Variants in NRXN1 observed in about 807,000 individuals in gnomAD.
NRXN1 encodes the protein neurexin 1.
In NRXN1, 39 loss-of-function variants were observed where a neutral mutation model predicts 150.9. The observed-to-expected ratio is 0.26, with a 90% CI of 0.20 to 0.34. The LOEUF (loss-of-function observed/expected upper bound fraction) is 0.34, where lower values mean the gene tolerates loss of function less well. Among genes scored for constraint, NRXN1 ranks in the 10% least tolerant of loss-of-function variants. The probability of loss-of-function intolerance (pLI) is 1.00; values close to 1 mark genes in which losing one functional copy is unlikely to be tolerated. For synonymous variants in NRXN1, 924 were observed against 757.0 expected (o/e 1.22, Z -3.62); for missense variants, 1,815 against 1,949.9 (o/e 0.93, Z 1.30).
intron 18 of NRXN1, among the ~76,000 whole-genome samples, chr2:50,182,335 A>C (rs1035764559): frequency 6.6e-6 from 1 of 152,062 alleles, no homozygotes; most frequent in Non-Finnish European, 1.5e-5. Flanking sequence ...AAAATGTATC[A>C]TTTAATGGAA....
intron 16 of NRXN1, chr2:50,466,338 A>C (rs1260673162): frequency 2.6e-6 from 1 of 384,290 alleles, no homozygotes; most frequent in South Asian, 2.0e-5. Context: ...CGTTCAAGAA[A>C]GGAAAAGAAT....
intron 2 of NRXN1, among the ~76,000 whole-genome samples, chr2:50,945,765 G>C (rs903526602): frequency 6.6e-6 from 1 of 151,116 alleles, no homozygotes; most frequent in African/African-American, 2.4e-5. Context: ...CTGAACTTAA[G>C]TTAGTCTCCC....
chr2:50,569,804 C>A lies in NRXN1; in HGVS notation c.1321-16779G>T, dbSNP rs376941883. ...CTTCTGCAGGTGTATAACTGGTATT[C>A]TTGTATCAGACAGCCAATGTCATCA... On this transcript the variant is annotated intron_variant, in intron 8 of 22. Transcript: ENST00000401669. Among the ~76,000 whole-genome samples, 24 of 152,246 alleles carry A rather than the reference C, an allele frequency of 1.6e-4. No homozygotes were observed. In the South Asian group the frequency reaches 5.0e-3, roughly 32 times the overall value.
chr2:50,656,163 A>G (rs1686426174), intron 5 of NRXN1, among the ~76,000 whole-genome samples: 1 of 151,814 alleles, frequency 6.6e-6, no homozygotes, highest in African/African-American at 2.4e-5. Context: ...CCTCAGACTT[A>G]CCCCACCTCT....
intron 17 of NRXN1, among the ~76,000 whole-genome samples, chr2:50,331,372 T>C (rs545338506): frequency 2.0e-5 from 3 of 152,198 alleles, no homozygotes; most frequent in African/African-American, 7.2e-5. Context: ...CCAAAGAGTG[T>C]TTTTATGGAA....
chr2:50,103,612 G>T (rs1701261327), intron 18 of NRXN1, among the ~76,000 whole-genome samples: 1 of 151,908 alleles, frequency 6.6e-6, no homozygotes, highest in African/African-American at 2.4e-5. Context: ...CTGAAATTTG[G>T]CCAGGAATCG....
intron 14 of NRXN1, among the ~76,000 whole-genome samples, chr2:50,496,714 G>A (rs906152395): frequency 1.3e-5 from 2 of 152,188 alleles, no homozygotes; most frequent in South Asian, 2.1e-4. Context: ...AATCTGAGAT[G>A]TGCATACGGG....
intron 5 of NRXN1, among the ~76,000 whole-genome samples, chr2:50,703,502 G>C (rs761511793): frequency 6.6e-6 from 1 of 152,068 alleles, no homozygotes; most frequent in African/African-American, 2.4e-5. Flanking sequence ...CTTCTACAAG[G>C]CTTGTTCATA....
intron 17 of NRXN1, among the ~76,000 whole-genome samples, chr2:50,246,286 A>G (rs1311440106): frequency 6.6e-6 from 1 of 151,946 alleles, no homozygotes; most frequent in Admixed American, 6.6e-5. Flanking sequence ...TTTACTCTAT[A>G]CCAGAAAGGC....
chr2:50,227,757 G>A (rs1328605407), intron 18 of NRXN1, among the ~76,000 whole-genome samples: 1 of 151,968 alleles, frequency 6.6e-6, no homozygotes, highest in South Asian at 2.1e-4. Context: ...ATTAAACTAA[G>A]GCAATAATAG....
chr2:50,193,790 C>A (rs960106608), intron 18 of NRXN1, among the ~76,000 whole-genome samples: 1 of 151,956 alleles, frequency 6.6e-6, no homozygotes, highest in African/African-American at 2.4e-5. Flanking sequence ...ATATCCATTA[C>A]CATTCTGTGG....
At chr2:50,124,478 CG>C (rs1704297597) in intron 18 of NRXN1, among the ~76,000 whole-genome samples, 1 of 152,038 alleles carries the variant, frequency 6.6e-6, no homozygotes, top group Non-Finnish European at 1.5e-5. Flanking sequence ...ATTGTTAATA[CG>C]TAGAACCAGA....
At chr2:50,853,004 C>T (rs529136053) in intron 5 of NRXN1, among the ~76,000 whole-genome samples, 3 of 152,176 alleles carry the variant, frequency 2.0e-5, no homozygotes, top group Non-Finnish European at 4.4e-5. Flanking sequence ...TCTCTTTCAT[C>T]TAACTTGGCA....
intron 2 of NRXN1, among the ~76,000 whole-genome samples, chr2:50,941,765 CAG>C (rs1432352596): frequency 6.6e-6 from 1 of 152,134 alleles, no homozygotes; most frequent in Admixed American, 6.5e-5. Context: ...AAAAGGGAAA[CAG>C]AGCATAAAAG....
chr2:50,113,842 T>C (rs1702684518), intron 18 of NRXN1, among the ~76,000 whole-genome samples: 1 of 152,164 alleles, frequency 6.6e-6, no homozygotes, highest in African/African-American at 2.4e-5. Flanking sequence ...CAGTTATTAT[T>C]ATATCGAAAT....
chr2:50,137,132 T>C (rs1706538564), intron 18 of NRXN1, among the ~76,000 whole-genome samples: 1 of 152,186 alleles, frequency 6.6e-6, no homozygotes, highest in Non-Finnish European at 1.5e-5. Context: ...ATGTGTTAAG[T>C]AGCTCAGAGT....
At chr2:50,409,280 A>T (rs1030622603) in intron 17 of NRXN1, among the ~76,000 whole-genome samples, 9 of 152,172 alleles carry the variant, frequency 5.9e-5, no homozygotes, top group Admixed American at 5.9e-4. Context: ...TTCGAGTTTG[A>T]AGTCTTTATC....
chr2:50,357,302 A>ATTTATTTATTTT (rs59536239), intron 17 of NRXN1, among the ~76,000 whole-genome samples: 1,844 of 142,782 alleles, frequency 0.013, 24 homozygotes, highest in East Asian at 0.051. Context: ...TTATTTATTT[A>ATTTATTTATTTT]TTTTTTTTTT....
At chr2:50,141,389 A>T (rs186644610) in intron 18 of NRXN1, among the ~76,000 whole-genome samples, 1 of 152,242 alleles carries the variant, frequency 6.6e-6, no homozygotes, top group East Asian at 1.9e-4. Context: ...ACTCTAAGAC[A>T]TTGGTCTAGG....
Sources: allele counts gnomAD v4.1 joint callset (sites outside exome capture counted in the v4.1 genomes callset), GRCh38; gene constraint gnomAD v4.1.1; transcripts MANE v1.5; gene names NCBI Gene and HGNC (gene_info 2026-07-23, HGNC 2026-07-21).